The following MAGI2 variants were observed in gnomAD, a reference collection of about 807,000 sequenced individuals.
MAGI2 encodes the protein membrane-associated guanylate kinase, WW and PDZ domain-containing protein 2.
Under a neutral mutation model 133.3 loss-of-function variants are expected in MAGI2, and 35 were observed. The ratio of observed to expected loss-of-function variants is 0.26; its 90% CI spans 0.20 to 0.35. The LOEUF (loss-of-function observed/expected upper bound fraction) is 0.35. Ranked by LOEUF, MAGI2 falls within the 10% of genes least tolerant of loss-of-function variation. The probability of loss-of-function intolerance (pLI) is 1.00; values close to 1 mark genes in which losing one functional copy is unlikely to be tolerated. For missense variants in MAGI2, 1,636 were observed against 1,863.4 expected (o/e 0.88, Z 2.25); for synonymous variants, 729 against 710.6 (o/e 1.03, Z -0.41).
intron 1 of MAGI2, among the ~76,000 whole-genome samples, chr7:79,367,042 A>AG (rs556068457): frequency 5.6e-4 from 85 of 152,346 alleles, no homozygotes; most frequent in Admixed American, 1.6e-3. Flanking sequence ...CTTTGAACAT[A>AG]GACTGCTAAG....
chr7:79,388,068 T>A (rs1844323655), intron 1 of MAGI2, among the ~76,000 whole-genome samples: 1 of 151,978 alleles, frequency 6.6e-6, no homozygotes, highest in African/African-American at 2.4e-5. Flanking sequence ...ACCTGCAATT[T>A]GAAATTTACC....
chr7:78,326,868 C>A (rs1562828642), intron 9 of MAGI2, among the ~76,000 whole-genome samples: 1 of 152,142 alleles, frequency 6.6e-6, no homozygotes, highest in Non-Finnish European at 1.5e-5. Context: ...CTGCCTTTCC[C>A]CTCCCTTCAT....
intron 2 of MAGI2, among the ~76,000 whole-genome samples, chr7:78,834,693 A>G (rs1234354879): frequency 2.0e-5 from 3 of 152,122 alleles, no homozygotes; most frequent in Admixed American, 2.0e-4. Flanking sequence ...AGATATTGAT[A>G]TAGTTTGGGT....
intron 6 of MAGI2, among the ~76,000 whole-genome samples, chr7:78,416,679 G>T (rs1165940232): frequency 6.6e-6 from 1 of 152,148 alleles, no homozygotes; most frequent in Non-Finnish European, 1.5e-5. Context: ...CCATTAAGAG[G>T]TTGGGGCCTT....
At chr7:79,232,662 T>C (rs376480796) in intron 1 of MAGI2, among the ~76,000 whole-genome samples, 1 of 120,644 alleles carries the variant, frequency 8.3e-6, no homozygotes. Flanking sequence ...TTTTTTATTG[T>C]GTCTATTTGA....
intron 1 of MAGI2, among the ~76,000 whole-genome samples, chr7:79,268,649 C>A (rs1185728686): frequency 1.3e-5 from 2 of 152,182 alleles, no homozygotes; most frequent in Non-Finnish European, 2.9e-5. Flanking sequence ...ATTTTAGCTT[C>A]TTTTGGATTA....
At chr7:79,149,905 G>A (rs1823029377) in intron 1 of MAGI2, among the ~76,000 whole-genome samples, 1 of 152,204 alleles carries the variant, frequency 6.6e-6, no homozygotes, top group Non-Finnish European at 1.5e-5. Context: ...AAAGACTTTA[G>A]TAGGAAATTC....
chr7:79,227,980 T>C (rs1374595268), intron 1 of MAGI2, among the ~76,000 whole-genome samples: 11 of 152,182 alleles, frequency 7.2e-5, no homozygotes, highest in Non-Finnish European at 1.6e-4. Context: ...GCAATCTGTG[T>C]TAATGTGGCC....
intron 6 of MAGI2, among the ~76,000 whole-genome samples, chr7:78,445,714 A>AT (rs951025920): frequency 4.6e-5 from 7 of 151,974 alleles, no homozygotes; most frequent in Non-Finnish European, 8.8e-5. Context: ...TTTATATCAG[A>AT]TTTTTTAGAT....
At chr7:78,120,587 T>C (rs1463888918) in intron 20 of MAGI2, among the ~76,000 whole-genome samples, 1 of 152,022 alleles carries the variant, frequency 6.6e-6, no homozygotes, top group Non-Finnish European at 1.5e-5. Flanking sequence ...GATAGACAAA[T>C]AGACTAGTAG....
chr7:78,313,808 A>AAATAGCAAATAATAAT (rs1228316174), intron 9 of MAGI2, among the ~76,000 whole-genome samples: 1 of 152,158 alleles, frequency 6.6e-6, no homozygotes, highest in Admixed American at 6.5e-5. Context: ...TAATAGATTT[A>AAATAGCAAATAATAAT]AGTTCCTCGG....
At position 78,727,642 on chromosome 7, in the gene MAGI2, G is replaced by A. The variant is rs546752637; in HGVS notation, c.419-100403C>T. ...AGTCACAACATGAAGGATATTGTGA[G>A]GTTTTCATTTTGACTTTTTAAATGT... On this transcript the variant is annotated intron_variant, in intron 2 of 21. Transcript: ENST00000354212. Among the ~76,000 whole-genome samples the A allele has an allele frequency of 4.6e-5, 7 of 152,266 alleles. No homozygotes were observed. The South Asian group carries it at 1.0e-3, about 23-fold the overall frequency.
At chr7:78,275,310 G>C (rs1166145995) in intron 9 of MAGI2, among the ~76,000 whole-genome samples, 1 of 152,172 alleles carries the variant, frequency 6.6e-6, no homozygotes, top group East Asian at 1.9e-4. Context: ...AGATGAACCA[G>C]GTACTTCAGT....
At chr7:78,507,539 CT>C (rs1233825570) in intron 4 of MAGI2, among the ~76,000 whole-genome samples, 8 of 152,160 alleles carry the variant, frequency 5.3e-5, no homozygotes, top group Non-Finnish European at 1.2e-4. Context: ...AAATTCAGTA[CT>C]CTCCTAGACA....
chr7:78,380,291 A>T (rs1163436263), intron 6 of MAGI2, among the ~76,000 whole-genome samples: 24 of 152,276 alleles, frequency 1.6e-4, no homozygotes, highest in Non-Finnish European at 3.2e-4. Context: ...ACAAAGCAAG[A>T]AGTACCAAGA....
intron 1 of MAGI2, among the ~76,000 whole-genome samples, chr7:79,327,734 C>A (rs1839801225): frequency 6.6e-6 from 1 of 151,906 alleles, no homozygotes; most frequent in Admixed American, 6.6e-5. Context: ...ATATAATAAA[C>A]ACAACACACT....
intron 2 of MAGI2, among the ~76,000 whole-genome samples, chr7:78,906,512 C>T (rs1389280799): frequency 1.3e-5 from 2 of 152,132 alleles, no homozygotes; most frequent in Admixed American, 6.6e-5. Flanking sequence ...TAGTTACCAT[C>T]CCTGAGAGTG....
At chr7:78,512,064 G>A (rs539527691) in intron 4 of MAGI2, among the ~76,000 whole-genome samples, 16 of 151,864 alleles carry the variant, frequency 1.1e-4, no homozygotes, top group African/African-American at 1.7e-4. Context: ...CGGAGCTTGC[G>A]GTGAGCGGAG....
chr7:78,793,692 A>G (rs1787365965), intron 2 of MAGI2, among the ~76,000 whole-genome samples: 1 of 152,240 alleles, frequency 6.6e-6, no homozygotes, highest in African/African-American at 2.4e-5. Context: ...AAAGGAAATA[A>G]TATCTATTTT....
Sources: gnomAD v4.1 joint callset for allele counts (sites outside exome capture counted in the v4.1 genomes callset) on GRCh38, gnomAD v4.1.1 for gene constraint, MANE v1.5 for transcripts, NCBI Gene and HGNC (gene_info 2026-07-23, HGNC 2026-07-21) for gene names.